Variants in SLC9A9 observed in about 807,000 individuals in gnomAD.
SLC9A9 encodes the protein solute carrier family 9 member A9.
Under a neutral mutation model 77.8 loss-of-function variants are expected in SLC9A9, and 62 were observed. The ratio of observed to expected loss-of-function variants is 0.80; its 90% confidence interval spans 0.65 to 0.98. The LOEUF (loss-of-function observed/expected upper bound fraction) is 0.98. Among genes scored for constraint, SLC9A9 ranks in the 50% least tolerant of loss-of-function variants. SLC9A9 has a pLI of 0.00. For synonymous variants in SLC9A9, 320 were observed against 283.5 expected, an observed-to-expected ratio of 1.13 and a Z score of -1.29; for missense variants, 775 against 774.9, an observed-to-expected ratio of 1.00 and a Z score of 0.00.
rs549964942 is a variant in SLC9A9 at position 143,415,643 on chromosome 3, C to T, written c.1470-33529G>A. 6.6e-5 allele frequency among the ~76,000 whole-genome samples: 10 copies of T among 152,354 alleles called. No individual in the cohort carries two copies. The South Asian group carries it at 2.1e-3, about 32-fold the overall frequency. ...AAAACATTGCTACTCATTGACAATG[C>T]ACCTAGTCACCTAAGAGCTCTGATA... is the stretch of plus-strand genomic sequence containing the variant. On this transcript the variant is annotated intron_variant, in intron 12 of 15. Transcript: ENST00000316549.
intron 9 of SLC9A9, among the ~76,000 whole-genome samples, chr3:143,501,778 T>A (rs1304373775): frequency 6.6e-6 from 1 of 150,882 alleles, no homozygotes; most frequent in African/African-American, 2.5e-5. Flanking sequence ...GTCTTCATAA[T>A]AATTTCCTTC....
intron 5 of SLC9A9, among the ~76,000 whole-genome samples, chr3:143,686,855 C>T (rs564490036): frequency 2.1e-3 from 320 of 152,080 alleles, no homozygotes; most frequent in African/African-American, 7.4e-3. Flanking sequence ...GGCTTTTGCT[C>T]TCTTAAGTTT....
At chr3:143,775,242 G>C (rs560495388) in intron 4 of SLC9A9, among the ~76,000 whole-genome samples, 2 of 152,304 alleles carry the variant, frequency 1.3e-5, no homozygotes, top group African/African-American at 4.8e-5. Context: ...GAATTGATGA[G>C]ATTAAATGAA....
At chr3:143,282,760 C>T (rs1265173961) in intron 14 of SLC9A9, among the ~76,000 whole-genome samples, 2 of 152,170 alleles carry the variant, frequency 1.3e-5, no homozygotes, top group African/African-American at 2.4e-5. Context: ...CATCATGGAG[C>T]TCTGTTAACC....
intron 5 of SLC9A9, among the ~76,000 whole-genome samples, chr3:143,673,863 T>C (rs1294057680): frequency 6.6e-6 from 1 of 152,134 alleles, no homozygotes; most frequent in Admixed American, 6.5e-5. Flanking sequence ...TTTTATTAAT[T>C]TTTTCTTTTT....
chr3:143,349,145 G>A (rs182485217), intron 14 of SLC9A9, among the ~76,000 whole-genome samples: 1 of 152,310 alleles, frequency 6.6e-6, no homozygotes, highest in African/African-American at 2.4e-5. Flanking sequence ...CACGCATGTA[G>A]CAGTCCCATC....
rs182619219 is a variant in SLC9A9 at position 143,775,134 on chromosome 3, T to C, written c.533+19867A>G. ...GATCAAAAACCACATACTTAAAGCCTGAATATGCAAGTATCAGTAGACCAA... is the reference window on the plus strand; with the variant it reads ...GATCAAAAACCACATACTTAAAGCCCGAATATGCAAGTATCAGTAGACCAA... On this transcript the variant is annotated intron_variant, in intron 4 of 15. Transcript: ENST00000316549. Among the ~76,000 whole-genome samples, 78 of 152,240 alleles carry C rather than the reference T, an allele frequency of 5.1e-4. 1 individual carries two copies. The East Asian group carries it at 0.012, about 24-fold the overall frequency.
intron 14 of SLC9A9, among the ~76,000 whole-genome samples, chr3:143,329,239 G>A (rs2031693304): frequency 6.6e-6 from 1 of 152,212 alleles, no homozygotes; most frequent in Non-Finnish European, 1.5e-5. Flanking sequence ...TCCGTTGAAG[G>A]TGAAGGTGTG....
Position 143,448,925 on chromosome 3 carries a change from A to C in SLC9A9, c.1469+18112T>G, listed in dbSNP as rs1462811789. 9.1e-5 allele frequency among the ~76,000 whole-genome samples: 2 copies of C among 22,070 alleles called. 1 individual carries two copies. Among genetic ancestry groups the C allele is most frequent in the Non-Finnish European group, 1.2e-4 (2 of 17,180 alleles). 14.5% of individuals were successfully genotyped at this position (22,070 alleles called of 152,430 possible). On this transcript the variant is annotated intron_variant, in intron 12 of 15. Transcript: ENST00000316549. ...TATAATATGATATATATTATATATT[A>C]TAATATATAATATGATATATAATAT...
At chr3:143,529,694 A>C (rs2036470754) in intron 9 of SLC9A9, among the ~76,000 whole-genome samples, 1 of 152,190 alleles carries the variant, frequency 6.6e-6, no homozygotes, top group Non-Finnish European at 1.5e-5. Flanking sequence ...TTAGATACCG[A>C]GTATTTTGTT....
At chr3:143,496,250 TTTCAGATTAAAAG>T (rs1363917415) in intron 9 of SLC9A9, among the ~76,000 whole-genome samples, 1 of 152,212 alleles carries the variant, frequency 6.6e-6, no homozygotes, top group Non-Finnish European at 1.5e-5. Context: ...GTTCTCCAAC[TTTCAGATTAAAAG>T]TAAAAGGGAA....
intron 11 of SLC9A9, among the ~76,000 whole-genome samples, chr3:143,485,165 G>A (rs569459993): frequency 1.4e-4 from 21 of 152,166 alleles, no homozygotes; most frequent in Non-Finnish European, 1.3e-4. Flanking sequence ...TGCAGGAGCC[G>A]GGGTGAGCAA....
chr3:143,798,832 C>T (rs565741377), intron 2 of SLC9A9, among the ~76,000 whole-genome samples: 1 of 152,236 alleles, frequency 6.6e-6, no homozygotes, highest in South Asian at 2.1e-4. Flanking sequence ...TTCTTTCCCT[C>T]CCGCCTGTCC....
chr3:143,796,771 C>T (rs1267264463), intron 3 of SLC9A9, 55 bp downstream of exon 3: 2 of 1,253,062 alleles, frequency 1.6e-6, no homozygotes, highest in Non-Finnish European at 2.3e-6. Context: ...CTCATTAGTG[C>T]TGGTAAAATT....
chr3:143,532,606 A>G (rs1183810050), intron 9 of SLC9A9, among the ~76,000 whole-genome samples: 2 of 152,172 alleles, frequency 1.3e-5, no homozygotes, highest in East Asian at 1.9e-4. Flanking sequence ...CTCGAATATA[A>G]AAAGGAAAAA....
At chr3:143,690,208 G>T (rs1206400317) in intron 5 of SLC9A9, among the ~76,000 whole-genome samples, 1 of 151,836 alleles carries the variant, frequency 6.6e-6, no homozygotes, top group Non-Finnish European at 1.5e-5. Flanking sequence ...TATGTTTTAA[G>T]CAAGTAGGAA....
intron 14 of SLC9A9, among the ~76,000 whole-genome samples, 177 bp downstream of exon 14, chr3:143,363,307 T>A (rs2032804555): frequency 6.6e-6 from 1 of 152,240 alleles, no homozygotes; most frequent in Non-Finnish European, 1.5e-5. Context: ...AACACTTAAG[T>A]ATGGACTACC....
At chr3:143,404,132 C>T (rs917796156) in intron 12 of SLC9A9, among the ~76,000 whole-genome samples, 2 of 150,518 alleles carry the variant, frequency 1.3e-5, no homozygotes, top group Non-Finnish European at 3.0e-5. Context: ...TGTTATTATA[C>T]TTTCACCTCA....
At chr3:143,639,253 G>A (rs1431612622) in intron 6 of SLC9A9, among the ~76,000 whole-genome samples, 2 of 152,178 alleles carry the variant, frequency 1.3e-5, no homozygotes, top group East Asian at 3.8e-4. Context: ...CAGTATTTTA[G>A]ATTATGTTAT....
Sources: gnomAD v4.1 joint callset for allele counts (sites outside exome capture counted in the v4.1 genomes callset) on GRCh38, gnomAD v4.1.1 for gene constraint, MANE v1.5 for transcripts, NCBI Gene and HGNC (gene_info 2026-07-23, HGNC 2026-07-21) for gene names.